The following NCK2 variants were observed in gnomAD, a reference collection of about 807,000 sequenced individuals.
NCK2 encodes the protein cytoplasmic protein NCK2.
A neutral mutation model predicts 33.9 loss-of-function variants in NCK2; 16 were observed. The ratio of observed to expected loss-of-function variants is 0.47; its 90% CI spans 0.32 to 0.72. NCK2 has a LOEUF of 0.72. NCK2 is among the 30% of genes least tolerant of loss of function. The pLI is 0.03. For synonymous variants in NCK2, 273 were observed against 239.9 expected, an observed-to-expected ratio of 1.14 and a Z score of -1.27; for missense variants, 418 against 537.3, an observed-to-expected ratio of 0.78 and a Z score of 2.19.
chr2:105,783,301 C>T (rs1020590677), intron 1 of NCK2, among the ~76,000 whole-genome samples: 2 of 152,218 alleles, frequency 1.3e-5, no homozygotes, highest in African/African-American at 4.8e-5. Context: ...GCCCCCATCG[C>T]CCTCCTCCTT....
intron 1 of NCK2, among the ~76,000 whole-genome samples, chr2:105,779,370 C>G (rs1690415047): frequency 6.8e-6 from 1 of 148,088 alleles, no homozygotes; most frequent in Non-Finnish European, 1.5e-5. Context: ...CTGAAGAAAA[C>G]AGAAAACACC....
intron 3 of NCK2, among the ~76,000 whole-genome samples, chr2:105,878,385 G>C (rs1678320825): frequency 6.6e-6 from 1 of 152,182 alleles, no homozygotes; most frequent in Non-Finnish European, 1.5e-5. Context: ...AAGTCACTGG[G>C]GTGGGCCCTC....
intron 1 of NCK2, among the ~76,000 whole-genome samples, chr2:105,760,849 G>A (rs1309768614): frequency 3.3e-5 from 5 of 152,090 alleles, no homozygotes; most frequent in African/African-American, 1.2e-4. Flanking sequence ...TCAGGTTTGA[G>A]CAAATAAAAA....
At chr2:105,845,252 T>C (rs760685033) in intron 2 of NCK2, among the ~76,000 whole-genome samples, 1 of 152,250 alleles carries the variant, frequency 6.6e-6, no homozygotes, top group African/African-American at 2.4e-5. Context: ...TAAAAATCAC[T>C]GTGCTTCTTG....
Position 105,881,964 on chromosome 2 carries a change from G to C in NCK2, c.863G>C (p.Gly288Ala). The C allele has an allele frequency of 6.5e-7, 1 of 1,534,470 alleles. No individual in the cohort carries two copies. Among genetic ancestry groups the C allele is most frequent in the South Asian group, 1.3e-5 (1 of 77,498 alleles). ...GRFAGREWYY[G>A]NVTRHQAECA... ...TTCGCGGGCAGAGAGTGGTACTACG[G>C]GAACGTGACGCGGCACCAGGCCGAG... Residue 288 changes from glycine to alanine, a missense_variant, in exon 4 of 5, where the codon GGG (glycine) becomes GCG (alanine). Coordinates refer to ENST00000233154, the MANE Select transcript of NCK2 (RefSeq NM_003581.5).
intron 1 of NCK2, among the ~76,000 whole-genome samples, chr2:105,773,894 T>G (rs1165379242): frequency 6.6e-6 from 1 of 152,188 alleles, no homozygotes; most frequent in African/African-American, 2.4e-5. Context: ...TCTTTAACTG[T>G]TTTTATTTGC....
intron 1 of NCK2, among the ~76,000 whole-genome samples, chr2:105,759,291 G>C (rs1331165398): frequency 6.6e-6 from 1 of 152,128 alleles, no homozygotes; most frequent in Non-Finnish European, 1.5e-5. Flanking sequence ...TACGTTCTCT[G>C]GGGAAAGCAG....
At chr2:105,882,771 C>T (rs987040038) in intron 4 of NCK2, among the ~76,000 whole-genome samples, 1 of 152,204 alleles carries the variant, frequency 6.6e-6, no homozygotes, top group Non-Finnish European at 1.5e-5. Context: ...GAAGGAAATA[C>T]TCGACCAGTT....
chr2:105,874,061 C>G (rs1409384030), intron 3 of NCK2, among the ~76,000 whole-genome samples: 2 of 152,162 alleles, frequency 1.3e-5, no homozygotes, highest in Non-Finnish European at 2.9e-5. Context: ...AGAGAAGGGA[C>G]AAAGGGTTCT....
chr2:105,862,821 G>A (rs1041112735), intron 3 of NCK2, among the ~76,000 whole-genome samples: 10 of 152,184 alleles, frequency 6.6e-5, no homozygotes, highest in Non-Finnish European at 1.3e-4. Context: ...TAATTTTCCT[G>A]TGCACTAAAA....
chr2:105,835,907 A>C (rs1004059403), intron 2 of NCK2, among the ~76,000 whole-genome samples: 1 of 151,424 alleles, frequency 6.6e-6, no homozygotes, highest in South Asian at 2.1e-4. Context: ...TGCTTGATCT[A>C]GTCTCTTTTT....
chr2:105,755,080 A>G (rs188386304), intron 1 of NCK2, among the ~76,000 whole-genome samples: 13 of 151,826 alleles, frequency 8.6e-5, no homozygotes, highest in African/African-American at 3.1e-4. Context: ...CCCTCATATG[A>G]CTTTTCTTTT....
At chr2:105,756,131 C>T (rs1485186684) in intron 1 of NCK2, among the ~76,000 whole-genome samples, 1 of 152,156 alleles carries the variant, frequency 6.6e-6, no homozygotes, top group African/African-American at 2.4e-5. Context: ...GTAGGATCAG[C>T]CTAGAGATGA....
intron 3 of NCK2, among the ~76,000 whole-genome samples, chr2:105,865,568 A>G (rs1677711961): frequency 6.6e-6 from 1 of 152,170 alleles, no homozygotes; most frequent in Non-Finnish European, 1.5e-5. Flanking sequence ...TGCTAAGGGA[A>G]CAGTTCCCCA....
intron 1 of NCK2, among the ~76,000 whole-genome samples, chr2:105,788,876 A>G (rs1264004626): frequency 6.6e-6 from 1 of 152,244 alleles, no homozygotes; most frequent in Non-Finnish European, 1.5e-5. Context: ...GTGACTAGTC[A>G]GGGCAGCGGA....
chr2:105,815,878 G>A (rs1410977153), intron 1 of NCK2, among the ~76,000 whole-genome samples: 3 of 152,124 alleles, frequency 2.0e-5, no homozygotes, highest in Non-Finnish European at 4.4e-5. Context: ...TTTATTTCTG[G>A]GAGGCTTTTA....
intron 2 of NCK2, among the ~76,000 whole-genome samples, chr2:105,835,405 A>ATATATATATATATATATGTG (rs70953537): frequency 5.0e-4 from 19 of 37,866 alleles, no homozygotes; most frequent in Non-Finnish European, 9.6e-4. Flanking sequence ...ATATATATAT[A>ATATATATATATATATATGTG]CGTGTATATA....
chr2:105,855,531 C>G (rs1019942926), intron 3 of NCK2: 1 of 425,766 alleles, frequency 2.3e-6, no homozygotes, highest in South Asian at 3.0e-5. Context: ...TGCTTGGGAC[C>G]CCTGCACAGG....
chr2:105,744,648 C>A (rs1455101155), upstream of NCK2, among the ~76,000 whole-genome samples: 1 of 151,938 alleles, frequency 6.6e-6, no homozygotes, highest in African/African-American at 2.4e-5. Flanking sequence ...GCCTCCAGAG[C>A]GGAGCGTCCC....
Sources: gnomAD v4.1 joint callset for allele counts (sites outside exome capture counted in the v4.1 genomes callset) on GRCh38, gnomAD v4.1.1 for gene constraint, MANE v1.5 for transcripts, NCBI Gene and HGNC (gene_info 2026-07-23, HGNC 2026-07-21) for gene names.